The following LRP1B variants were observed in gnomAD, a reference collection of about 807,000 sequenced individuals.
LRP1B encodes low-density lipoprotein receptor-related protein 1B.
A neutral mutation model predicts 556.6 loss-of-function variants in LRP1B; 217 were observed. The observed-to-expected ratio is 0.39, with a 90% CI of 0.35 to 0.44. The LOEUF is 0.44. Among genes scored for constraint, LRP1B ranks in the 20% least tolerant of loss-of-function variants. The pLI is 1.00. For missense variants in LRP1B, 5,053 were observed against 5,620.8 expected, an observed-to-expected ratio of 0.90 and a Z score of 3.23; for synonymous variants, 2,047 against 1,865.8, an observed-to-expected ratio of 1.10 and a Z score of -2.50.
intron 87 of LRP1B, 117 bp from the exon 88 acceptor site, chr2:140,239,649 C>T (rs1680864554): frequency 5.5e-6 from 3 of 548,636 alleles, no homozygotes; most frequent in African/African-American, 2.0e-5. Flanking sequence ...AAGCTTAGCC[C>T]AAATGTTTAT....
intron 11 of LRP1B, among the ~76,000 whole-genome samples, chr2:141,046,879 T>C (rs1239808400): frequency 6.6e-6 from 1 of 151,970 alleles, no homozygotes; most frequent in Non-Finnish European, 1.5e-5. Flanking sequence ...GTCAGGAGTT[T>C]GAGACCAACC....
intron 3 of LRP1B, among the ~76,000 whole-genome samples, chr2:141,465,766 G>A (rs1358994297): frequency 1.3e-5 from 2 of 152,006 alleles, no homozygotes; most frequent in African/African-American, 4.8e-5. Context: ...TCCAGGTCTC[G>A]AACTCATGAA....
At chr2:141,526,924 T>A (rs1483326531) in intron 2 of LRP1B, among the ~76,000 whole-genome samples, 1 of 152,084 alleles carries the variant, frequency 6.6e-6, no homozygotes, top group East Asian at 1.9e-4. Context: ...TTTTGAAAGG[T>A]TTTAGAATCC....
At chr2:140,613,326 T>TAA (rs1683135029) in intron 41 of LRP1B, among the ~76,000 whole-genome samples, 1 of 127,004 alleles carries the variant, frequency 7.9e-6, no homozygotes, top group Non-Finnish European at 1.7e-5. Flanking sequence ...TATATAAATA[T>TAA]ATATAATTAT....
At chr2:140,741,061 T>C (rs1001731893) in intron 35 of LRP1B, among the ~76,000 whole-genome samples, 12 of 152,176 alleles carry the variant, frequency 7.9e-5, no homozygotes, top group African/African-American at 2.9e-4. Flanking sequence ...CAAATAACTT[T>C]AAATTACAAA....
intron 41 of LRP1B, among the ~76,000 whole-genome samples, chr2:140,698,908 TTATTA>T (rs1416746554): frequency 6.6e-6 from 1 of 152,114 alleles, no homozygotes; most frequent in East Asian, 1.9e-4. Flanking sequence ...TTGACACATT[TTATTA>T]TGCAATACTC....
intron 60 of LRP1B, among the ~76,000 whole-genome samples, chr2:140,466,791 A>T (rs1266142090): frequency 6.6e-6 from 1 of 152,224 alleles, no homozygotes; most frequent in African/African-American, 2.4e-5. Flanking sequence ...ACTCAAGGTC[A>T]AACGTAACTT....
intron 1 of LRP1B, among the ~76,000 whole-genome samples, chr2:142,081,259 AT>A (rs1461407387): frequency 6.6e-6 from 1 of 152,208 alleles, no homozygotes; most frequent in African/African-American, 2.4e-5. Context: ...AGGAAAAAAT[AT>A]TTTGTGAAAT....
At chr2:140,516,807 G>T in intron 50 of LRP1B, 82 bp downstream of exon 50, 1 of 1,260,132 alleles carries the variant, frequency 7.9e-7, no homozygotes, top group Non-Finnish European at 1.1e-6. Flanking sequence ...ACAATGTTTT[G>T]TATAAAATCC....
chr2:141,794,978 C>T (rs530948874), intron 2 of LRP1B, among the ~76,000 whole-genome samples: 11 of 152,048 alleles, frequency 7.2e-5, no homozygotes, highest in African/African-American at 1.7e-4. Flanking sequence ...AGATTTGCCT[C>T]GTGGTGAAAA....
chr2:140,462,349 T>G (rs941423097), intron 60 of LRP1B, among the ~76,000 whole-genome samples: 2 of 152,182 alleles, frequency 1.3e-5, no homozygotes, highest in Non-Finnish European at 2.9e-5. Flanking sequence ...CTTTAAATGA[T>G]AGTTGCAGAG....
intron 10 of LRP1B, among the ~76,000 whole-genome samples, chr2:141,051,776 A>T (rs1699043111): frequency 6.6e-6 from 1 of 151,946 alleles, no homozygotes; most frequent in Non-Finnish European, 1.5e-5. Flanking sequence ...TGCATGTGTG[A>T]ATTTTGTGAT....
Position 140,353,075 on chromosome 2 carries a change from A to G in LRP1B, c.11531-3T>C, listed in dbSNP as rs921039579. The G allele has an allele frequency of 1.2e-6, 2 of 1,612,508 alleles. No homozygotes were observed. The highest frequency in any genetic ancestry group is 1.7e-5 in the Admixed American group (1 of 59,862). On this transcript the variant is annotated splice_region_variant and splice_polypyrimidine_tract_variant and intron_variant, in intron 75 of 90. Transcript: ENST00000389484. Reference sequence around the variant, plus strand: ...AAACACCAAACATTCATTAAGGTCTAGAAAAGAAGAGCTCAAAATAGCATC... The same window carrying G: ...AAACACCAAACATTCATTAAGGTCTGGAAAAGAAGAGCTCAAAATAGCATC...
intron 59 of LRP1B, among the ~76,000 whole-genome samples, chr2:140,484,636 G>A (rs1688389594): frequency 6.6e-6 from 1 of 152,098 alleles, no homozygotes; most frequent in Admixed American, 6.5e-5. Flanking sequence ...AAAAAGTTAT[G>A]TACACTCTAC....
chr2:141,670,311 A>C (rs1036530270), intron 2 of LRP1B, among the ~76,000 whole-genome samples: 9 of 152,196 alleles, frequency 5.9e-5, no homozygotes, highest in Non-Finnish European at 8.8e-5. Flanking sequence ...TTTGTTATCG[A>C]ATCTATCAAT....
At chr2:141,924,446 C>G (rs553183450) in intron 1 of LRP1B, among the ~76,000 whole-genome samples, 6 of 152,260 alleles carry the variant, frequency 3.9e-5, no homozygotes, top group Non-Finnish European at 8.8e-5. Flanking sequence ...TTCTGGAACA[C>G]TGGGCAAGAG....
intron 54 of LRP1B, among the ~76,000 whole-genome samples, chr2:140,502,444 G>T (rs1689239685): frequency 6.6e-6 from 1 of 151,874 alleles, no homozygotes; most frequent in Non-Finnish European, 1.5e-5. Context: ...CCATTATCAT[G>T]TAAAGTCCAT....
intron 2 of LRP1B, among the ~76,000 whole-genome samples, chr2:141,655,133 G>C (rs766407888): frequency 2.4e-4 from 36 of 152,120 alleles, no homozygotes; most frequent in African/African-American, 8.5e-4. Context: ...ACTGAGGAGC[G>C]TAAGTATTGA....
intron 82 of LRP1B, among the ~76,000 whole-genome samples, chr2:140,320,259 T>A (rs1053475172): frequency 6.6e-6 from 1 of 152,172 alleles, no homozygotes. Context: ...TTGGTGCTTA[T>A]CTTATTCATC....
Sources: gnomAD v4.1 joint callset for allele counts (sites outside exome capture counted in the v4.1 genomes callset) on GRCh38, gnomAD v4.1.1 for gene constraint, MANE v1.5 for transcripts, NCBI Gene and HGNC (gene_info 2026-07-23, HGNC 2026-07-21) for gene names.